Variants in SEL1L3 observed in about 807,000 individuals in gnomAD.
SEL1L3 encodes the protein SEL1L family member 3.
A neutral mutation model predicts 142.8 loss-of-function variants in SEL1L3; 76 were observed. That is an observed-to-expected ratio of 0.53 (90% confidence interval 0.44 to 0.64). The LOEUF (loss-of-function observed/expected upper bound fraction) is 0.64, where lower values mean the gene tolerates loss of function less well. SEL1L3 is among the 30% of genes least tolerant of loss of function. The pLI, the probability that SEL1L3 is intolerant of heterozygous loss-of-function variation, is 0.00. For synonymous variants in SEL1L3, 504 were observed against 519.6 expected, an observed-to-expected ratio of 0.97 and a Z score of 0.41; for missense variants, 1,262 against 1,381.7, an observed-to-expected ratio of 0.91 and a Z score of 1.37.
chr4:25,797,397 C>T (rs1239906343), intron 11 of SEL1L3, among the ~76,000 whole-genome samples: 1 of 152,110 alleles, frequency 6.6e-6, no homozygotes. Context: ...TGCCTCTTAG[C>T]GTGTTTAAAA....
At chr4:25,850,300 A>T (rs1716797270) in intron 1 of SEL1L3, among the ~76,000 whole-genome samples, 1 of 152,244 alleles carries the variant, frequency 6.6e-6, no homozygotes, top group Non-Finnish European at 1.5e-5. Flanking sequence ...AAGGCTAACA[A>T]TTCATACAAA....
intron 5 of SEL1L3, among the ~76,000 whole-genome samples, chr4:25,832,258 AC>A (rs1463676873): frequency 1.3e-5 from 2 of 152,246 alleles, no homozygotes; most frequent in African/African-American, 4.8e-5. Context: ...CACAAGACAA[AC>A]AAAATGCCTC....
At chr4:25,787,032 C>T (rs973600171) in intron 13 of SEL1L3, among the ~76,000 whole-genome samples, 2 of 152,162 alleles carry the variant, frequency 1.3e-5, no homozygotes, top group Non-Finnish European at 2.9e-5. Context: ...ATTTCCTTAC[C>T]AAAGCCAAAG....
At chr4:25,798,491 T>G (rs1175996980) in intron 11 of SEL1L3, among the ~76,000 whole-genome samples, 1 of 152,110 alleles carries the variant, frequency 6.6e-6, no homozygotes, top group East Asian at 1.9e-4. Context: ...AGTGGTGAAC[T>G]TGGCCTGAGG....
At chr4:25,855,876 C>T (rs555575517) in intron 1 of SEL1L3, among the ~76,000 whole-genome samples, 3 of 152,326 alleles carry the variant, frequency 2.0e-5, no homozygotes, top group East Asian at 3.9e-4. Context: ...CTGCCTTCTT[C>T]TTATACTCGT....
chr4:25,802,540 G>T, intron 10 of SEL1L3, 78 bp from the exon 11 acceptor site: 2 of 1,215,968 alleles, frequency 1.6e-6, no homozygotes, highest in Non-Finnish European at 2.3e-6. Context: ...AGGTTGTCAG[G>T]CCCAATTCCT....
downstream of SEL1L3, among the ~76,000 whole-genome samples, chr4:25,746,437 A>AG (rs1717261532): frequency 6.7e-6 from 1 of 148,272 alleles, no homozygotes; most frequent in Non-Finnish European, 1.5e-5. Flanking sequence ...AGAACCTAGG[A>AG]GGGGGAGGTT....
At chr4:25,786,942 G>A (rs1252498084) in intron 13 of SEL1L3, among the ~76,000 whole-genome samples, 1 of 152,212 alleles carries the variant, frequency 6.6e-6, no homozygotes, top group African/African-American at 2.4e-5. Context: ...GCTGTGTTCT[G>A]GAGATGGGCC....
intron 11 of SEL1L3, among the ~76,000 whole-genome samples, chr4:25,795,786 C>T (rs1276271292): frequency 6.6e-6 from 1 of 152,148 alleles, no homozygotes; most frequent in Non-Finnish European, 1.5e-5. Flanking sequence ...ATTCCTGAGG[C>T]CTTCTGTGAA....
the SEL1L3 span, among the ~76,000 whole-genome samples, chr4:25,737,446 T>C: frequency 6.6e-6 from 1 of 152,174 alleles, no homozygotes; most frequent in Non-Finnish European, 1.5e-5. Context: ...TCTTGATGGA[T>C]ATGTGGGAGA....
At chr4:25,794,540 C>T (rs571685667) in intron 11 of SEL1L3, among the ~76,000 whole-genome samples, 102 of 152,152 alleles carry the variant, frequency 6.7e-4, no homozygotes, top group Non-Finnish European at 1.1e-3. Context: ...GTCAGAATGG[C>T]GATTATTAAC....
rs550910495 is a variant in SEL1L3, at chr4:25,820,392, A to T, written c.1291-452T>A. Among the ~76,000 whole-genome samples the T allele has an allele frequency of 6.6e-5, 10 of 152,226 alleles. 1 individual carries two copies. In the South Asian group the frequency reaches 2.1e-3, roughly 32 times the overall value. ...TCAGGACAGGCCCCCCTAGTGGCTC[A>T]CCCCATCTCACTTACGGGCCGATGT... is the stretch of plus-strand genomic sequence containing the variant. On this transcript the variant is annotated intron_variant, in intron 7 of 23. Coordinates refer to ENST00000399878, the MANE Select transcript of SEL1L3 (RefSeq NM_015187.5).
At position 25,790,522 on chromosome 4, in the gene SEL1L3, G is replaced by T; in HGVS notation, c.2009C>A (p.Thr670Asn). 2 of 1,613,106 alleles carry T rather than the reference G, an allele frequency of 1.2e-6. No individual in the cohort carries two copies. ...LKDDEILKVQ[T>N]KEDGDVFMWL... Reference sequence around the variant, plus strand: ...CATAAAGACATCTCCATCTTCTTTGGTTTGTACCTTGAGTATTTCATCATC... The same window carrying T: ...CATAAAGACATCTCCATCTTCTTTGTTTTGTACCTTGAGTATTTCATCATC... The change falls in exon 12 of 24, where the codon ACC (threonine) becomes AAC (asparagine). Residue 670 changes from threonine (T) to asparagine (N), a missense_variant. Transcript: ENST00000399878.
chr4:25,858,839 C>T (rs1717464669), intron 1 of SEL1L3, among the ~76,000 whole-genome samples: 1 of 152,272 alleles, frequency 6.6e-6, no homozygotes, highest in African/African-American at 2.4e-5. Flanking sequence ...CTGCTTCGGC[C>T]TCCCAAAGTG....
At chr4:25,820,393 C>G (rs1055128966) in intron 7 of SEL1L3, among the ~76,000 whole-genome samples, 2 of 152,264 alleles carry the variant, frequency 1.3e-5, no homozygotes, top group African/African-American at 4.8e-5. Context: ...TAGTGGCTCA[C>G]CCCATCTCAC....
chr4:25,731,179 C>T, the SEL1L3 span, among the ~76,000 whole-genome samples: 24 of 152,304 alleles, frequency 1.6e-4, no homozygotes, highest in Non-Finnish European at 3.4e-4. Context: ...TCTCCTGTTT[C>T]ATCTTGTTTA....
At chr4:25,833,706 CA>C in intron 3 of SEL1L3, 137 bp from the exon 4 acceptor site, 2 of 699,096 alleles carry the variant, frequency 2.9e-6, no homozygotes. Flanking sequence ...CATGGGAGAT[CA>C]GCTTGCAAAG....
At chr4:25,765,993 C>T (rs929060713) in intron 19 of SEL1L3, among the ~76,000 whole-genome samples, 1 of 152,166 alleles carries the variant, frequency 6.6e-6, no homozygotes, top group African/African-American at 2.4e-5. Context: ...AAATCTCAGT[C>T]TACAACCTTG....
the SEL1L3 span, chr4:25,719,475 C>A: frequency 6.6e-6 from 1 of 151,550 alleles, no homozygotes; most frequent in African/African-American, 2.4e-5. Context: ...AGCTTTTTTT[C>A]GGGGGTGTGA....
Sources: gnomAD v4.1 joint callset for allele counts (sites outside exome capture counted in the v4.1 genomes callset) on GRCh38, gnomAD v4.1.1 for gene constraint, MANE v1.5 for transcripts, NCBI Gene and HGNC (gene_info 2026-07-23, HGNC 2026-07-21) for gene names.